The following HS3ST4 variants were observed in gnomAD, a reference collection of about 807,000 sequenced individuals.
HS3ST4 encodes heparan sulfate glucosamine 3-O-sulfotransferase 4.
In HS3ST4, 17 loss-of-function variants were observed where a neutral mutation model predicts 29.2. The ratio of observed to expected loss-of-function variants is 0.58; its 90% CI spans 0.40 to 0.87. The LOEUF (loss-of-function observed/expected upper bound fraction) is 0.87, where lower values mean the gene tolerates loss of function less well. Ranked by LOEUF, HS3ST4 falls within the 40% of genes least tolerant of loss-of-function variation. The pLI is 0.00. For missense variants in HS3ST4, 627 were observed against 634.5 expected (o/e 0.99, Z 0.13); for synonymous variants, 314 against 285.7 (o/e 1.10, Z -1.00).
chr16:25,979,139 C>T (rs181092148), intron 1 of HS3ST4, among the ~76,000 whole-genome samples: 18 of 152,136 alleles, frequency 1.2e-4, no homozygotes, highest in South Asian at 2.1e-4. Flanking sequence ...TCAGGTGATC[C>T]GCCTGCCTCG....
chr16:25,772,641 A>G (rs1253782293), intron 1 of HS3ST4, among the ~76,000 whole-genome samples: 1 of 152,242 alleles, frequency 6.6e-6, no homozygotes, highest in African/African-American at 2.4e-5. Flanking sequence ...ATGGAAATAC[A>G]CACTGTAAAA....
intron 1 of HS3ST4, among the ~76,000 whole-genome samples, chr16:25,851,836 T>G (rs144407931): frequency 2.0e-3 from 291 of 148,280 alleles, no homozygotes; most frequent in African/African-American, 7.1e-3. Context: ...TTTGACGGTG[T>G]TACGGAATCT....
At chr16:26,058,485 G>A (rs1898437996) in intron 1 of HS3ST4, among the ~76,000 whole-genome samples, 1 of 152,162 alleles carries the variant, frequency 6.6e-6, no homozygotes, top group Non-Finnish European at 1.5e-5. Context: ...GGGGTGACAT[G>A]GCTCACAGGC....
In HS3ST4 at chr16:25,917,050, T is replaced by G. The variant is rs528138196; in HGVS notation, c.735-218562T>G. On this transcript the variant is annotated intron_variant, in intron 1 of 1. Coordinates refer to ENST00000331351, the MANE Select transcript of HS3ST4 (RefSeq NM_006040.3). ...CAATTGTATTACCTTGGGCAAGTGC[T>G]TCAACCTACCTGAGCCTCAGTTTCT... 1.4e-4 allele frequency among the ~76,000 whole-genome samples: 21 copies of G among 152,288 alleles called. No homozygotes were observed. In the East Asian group the frequency reaches 4.1e-3, roughly 29 times the overall value.
intron 1 of HS3ST4, among the ~76,000 whole-genome samples, chr16:25,978,068 A>G (rs776860514): frequency 6.6e-6 from 1 of 152,208 alleles, no homozygotes; most frequent in Non-Finnish European, 1.5e-5. Flanking sequence ...AATGTCTACC[A>G]TGCAGGAACG....
At chr16:26,062,568 C>T (rs114241649) in intron 1 of HS3ST4, among the ~76,000 whole-genome samples, 3,020 of 151,478 alleles carry the variant, frequency 0.02, 119 homozygotes, top group African/African-American at 0.068. Context: ...TCCTCTATTT[C>T]GGAATCATCT....
intron 1 of HS3ST4, among the ~76,000 whole-genome samples, chr16:26,113,865 G>C (rs1899167592): frequency 6.6e-6 from 1 of 152,076 alleles, no homozygotes; most frequent in Admixed American, 6.6e-5. Context: ...GTAATTTTTA[G>C]TTTGGGTTTG....
At chr16:25,973,288 A>G (rs1222679631) in intron 1 of HS3ST4, among the ~76,000 whole-genome samples, 1 of 152,202 alleles carries the variant, frequency 6.6e-6, no homozygotes, top group African/African-American at 2.4e-5. Flanking sequence ...TCTCCTATGA[A>G]GTGGGAAGCC....
In HS3ST4 at chr16:25,821,900, A is replaced by T. The variant is rs939640135; in HGVS notation, c.734+128749A>T. 2.0e-5 allele frequency among the ~76,000 whole-genome samples: 3 copies of T among 151,608 alleles called. No homozygotes were observed. In the East Asian group the frequency reaches 5.8e-4, roughly 29 times the overall value. On this transcript the variant is annotated intron_variant, in intron 1 of 1. Transcript: ENST00000331351. ...CTCTAGCCAACTCCATCTCTTAAAG[A>T]AAAAAAAAGGTTTTCTCTTCTTGGC...
chr16:25,805,736 T>C (rs1015181029), intron 1 of HS3ST4, among the ~76,000 whole-genome samples: 1 of 152,222 alleles, frequency 6.6e-6, no homozygotes, highest in Non-Finnish European at 1.5e-5. Flanking sequence ...GGGGTACATG[T>C]GCAGGGTGTG....
chr16:25,797,732 C>T (rs1596573871), intron 1 of HS3ST4, among the ~76,000 whole-genome samples: 4 of 152,102 alleles, frequency 2.6e-5, no homozygotes, highest in African/African-American at 4.8e-5. Flanking sequence ...TTGCCAGTGA[C>T]GATGATGCCT....
chr16:26,044,319 G>A (rs1171162764), intron 1 of HS3ST4, among the ~76,000 whole-genome samples: 1 of 152,188 alleles, frequency 6.6e-6, no homozygotes, highest in Non-Finnish European at 1.5e-5. Flanking sequence ...AGGAAAAGAC[G>A]GAAGCCGTGG....
intron 1 of HS3ST4, among the ~76,000 whole-genome samples, chr16:26,066,093 G>A (rs1898538814): frequency 6.6e-6 from 1 of 152,208 alleles, no homozygotes; most frequent in Admixed American, 6.5e-5. Flanking sequence ...TTGTAGAGAA[G>A]AGTGGTCTTC....
chr16:25,933,836 G>A (rs934395901), intron 1 of HS3ST4, among the ~76,000 whole-genome samples: 1 of 152,026 alleles, frequency 6.6e-6, no homozygotes, highest in African/African-American at 2.4e-5. Flanking sequence ...CAGATCTCCT[G>A]GGAACTCATA....
rs186150648 is a variant in HS3ST4 at position 25,878,555 on chromosome 16, C to T, written c.734+185404C>T. Among the ~76,000 whole-genome samples, 26 of 152,238 alleles carry T rather than the reference C, an allele frequency of 1.7e-4. No individual in the cohort carries two copies. In the East Asian group the frequency reaches 2.5e-3, roughly 15 times the overall value. ...CCAGCTGTCTTTGAAAGCCACGTCA[C>T]GCTATGGACTAGTATTGAGCTTGTA... On this transcript the variant is annotated intron_variant, in intron 1 of 1. Transcript: ENST00000331351.
At chr16:26,007,225 C>T (rs550489589) in intron 1 of HS3ST4, among the ~76,000 whole-genome samples, 1 of 152,314 alleles carries the variant, frequency 6.6e-6, no homozygotes, top group East Asian at 1.9e-4. Flanking sequence ...TTCAGGTCCC[C>T]TTGGTCTTCA....
intron 1 of HS3ST4, among the ~76,000 whole-genome samples, chr16:26,069,713 C>G (rs1230782607): frequency 8.9e-6 from 1 of 112,926 alleles, no homozygotes; most frequent in Non-Finnish European, 1.7e-5. Flanking sequence ...CCCCTCCCCC[C>G]ACCCCACAAC....
At chr16:25,846,749 A>G (rs1314651191) in intron 1 of HS3ST4, among the ~76,000 whole-genome samples, 2 of 152,084 alleles carry the variant, frequency 1.3e-5, no homozygotes, top group African/African-American at 4.8e-5. Context: ...ATTTTTAATC[A>G]ATCTATAATT....
chr16:26,007,075 C>A lies in HS3ST4; in HGVS notation c.735-128537C>A, dbSNP rs145728182. On this transcript the variant is annotated intron_variant, in intron 1 of 1. Coordinates refer to ENST00000331351, the MANE Select transcript of HS3ST4 (RefSeq NM_006040.3). ...GGCGGTTTCAAGAGCATTTTAATAG[C>A]TTGGAGATTTCATATGCTATGTGGA... Among the ~76,000 whole-genome samples the A allele has an allele frequency of 5.9e-3, 896 of 152,310 alleles. 10 individuals carry two copies. Among genetic ancestry groups the A allele is most frequent in the African/African-American group, 0.02 (848 of 41,560 alleles).
Sources: gnomAD v4.1 joint callset for allele counts (sites outside exome capture counted in the v4.1 genomes callset) on GRCh38, gnomAD v4.1.1 for gene constraint, MANE v1.5 for transcripts, NCBI Gene and HGNC (gene_info 2026-07-23, HGNC 2026-07-21) for gene names.